Variants in GPC6 observed in about 807,000 individuals in gnomAD.
The protein encoded by GPC6 is glypican-6.
In GPC6, 14 loss-of-function variants were observed where a neutral mutation model predicts 55.2. That is an observed-to-expected ratio of 0.25 (90% CI 0.17 to 0.40). GPC6 has a LOEUF of 0.40. Among genes scored for constraint, GPC6 ranks in the 10% least tolerant of loss-of-function variants. The probability of loss-of-function intolerance (pLI) is 1.00; values close to 1 mark genes in which losing one functional copy is unlikely to be tolerated. For missense variants in GPC6, 641 were observed against 708.5 expected, an observed-to-expected ratio of 0.90 and a Z score of 1.08; for synonymous variants, 278 against 259.6, an observed-to-expected ratio of 1.07 and a Z score of -0.68.
At chr13:93,686,374 T>A (rs1882045612) in intron 2 of GPC6, among the ~76,000 whole-genome samples, 1 of 152,140 alleles carries the variant, frequency 6.6e-6, no homozygotes, top group South Asian at 2.1e-4. Context: ...AAGTTGTACA[T>A]CTCTCATCTT....
rs189194732 is a variant in GPC6, at chr13:93,251,415, T to C, written c.160+23799T>C. Among the ~76,000 whole-genome samples the C allele has an allele frequency of 3.5e-3, 528 of 152,334 alleles. 4 individuals carry two copies. The highest frequency in any genetic ancestry group is 0.012 in the African/African-American group (492 of 41,574). ...AAGGAGCAAACAGAATGGAATCTGT[T>C]TTTAAAGTATTTGTAAAACATTATA... On this transcript the variant is annotated intron_variant, in intron 1 of 8. Transcript: ENST00000377047.
chr13:94,217,153 A>C (rs1890250109), intron 4 of GPC6, among the ~76,000 whole-genome samples: 1 of 152,182 alleles, frequency 6.6e-6, no homozygotes, highest in Non-Finnish European at 1.5e-5. Context: ...AGTGATCCAC[A>C]CTTTGTAGAA....
chr13:93,489,863 T>C (rs976644137), intron 1 of GPC6, among the ~76,000 whole-genome samples: 1 of 151,590 alleles, frequency 6.6e-6, no homozygotes, highest in Non-Finnish European at 1.5e-5. Context: ...TAAGGAGATT[T>C]TGGGCTGAGA....
intron 3 of GPC6, among the ~76,000 whole-genome samples, chr13:93,935,881 C>T (rs1185650862): frequency 6.6e-6 from 1 of 152,206 alleles, no homozygotes; most frequent in Admixed American, 6.5e-5. Context: ...TTCCTGGGTT[C>T]CATTCCAGCT....
chr13:94,133,905 T>C (rs1008472292), intron 4 of GPC6, among the ~76,000 whole-genome samples: 2 of 152,130 alleles, frequency 1.3e-5, no homozygotes, highest in East Asian at 3.9e-4. Context: ...CAAAGACAGG[T>C]ACACACAATG....
At chr13:93,773,566 G>C (rs1399730311) in intron 2 of GPC6, among the ~76,000 whole-genome samples, 1 of 152,072 alleles carries the variant, frequency 6.6e-6, no homozygotes, top group Non-Finnish European at 1.5e-5. Context: ...GACTGTAGGG[G>C]TTCCTGTGTA....
chr13:93,412,398 G>A (rs1876537736), intron 1 of GPC6, among the ~76,000 whole-genome samples: 1 of 152,182 alleles, frequency 6.6e-6, no homozygotes, highest in Admixed American at 6.5e-5. Flanking sequence ...AATCATGCCT[G>A]TAATCCCAGC....
At chr13:93,288,564 T>G (rs1234220322) in intron 1 of GPC6, among the ~76,000 whole-genome samples, 1 of 152,166 alleles carries the variant, frequency 6.6e-6, no homozygotes, top group African/African-American at 2.4e-5. Context: ...GATATTTAGA[T>G]GTATGTAAGA....
chr13:93,598,813 A>C, intron 2 of GPC6, among the ~76,000 whole-genome samples: 1 of 152,342 alleles, frequency 6.6e-6, no homozygotes, highest in South Asian at 2.1e-4. Flanking sequence ...TAATTCAAAT[A>C]GGATGAAATT....
At chr13:93,612,091 G>T (rs1192982165) in intron 2 of GPC6, among the ~76,000 whole-genome samples, 1 of 152,086 alleles carries the variant, frequency 6.6e-6, no homozygotes, top group Non-Finnish European at 1.5e-5. Context: ...CACGTTTATT[G>T]TAATTACATG....
intron 3 of GPC6, among the ~76,000 whole-genome samples, chr13:94,017,820 G>C (rs1292115919): frequency 6.6e-6 from 1 of 151,970 alleles, no homozygotes; most frequent in African/African-American, 2.4e-5. Flanking sequence ...TGGGATTACA[G>C]GCACCCACCA....
chr13:94,017,923 G>A (rs541890276), intron 3 of GPC6, among the ~76,000 whole-genome samples: 11 of 151,992 alleles, frequency 7.2e-5, no homozygotes, highest in African/African-American at 9.6e-5. Flanking sequence ...TGATCCACCC[G>A]CCTCAGCCTC....
intron 2 of GPC6, among the ~76,000 whole-genome samples, chr13:93,757,948 C>T (rs1319539227): frequency 6.6e-6 from 1 of 152,144 alleles, no homozygotes; most frequent in Non-Finnish European, 1.5e-5. Flanking sequence ...ATCTCCAAGG[C>T]CCCCTCCAGG....
chr13:93,584,122 T>C (rs1482794568), intron 2 of GPC6, among the ~76,000 whole-genome samples: 1 of 152,160 alleles, frequency 6.6e-6, no homozygotes, highest in African/African-American at 2.4e-5. Flanking sequence ...GGACCAACAA[T>C]AGCCTCTCAT....
At chr13:93,836,073 G>A (rs1007525741) in intron 3 of GPC6, 11 of 152,162 alleles carry the variant, frequency 7.2e-5, no homozygotes, top group Non-Finnish European at 1.5e-4. Context: ...CTGCTACATA[G>A]ACTGATGTTT....
rs554094846 is a variant in GPC6, at chr13:94,392,301, AATAAT to A, written c.1290-6161_1290-6157del. 1.8e-3 allele frequency among the ~76,000 whole-genome samples: 276 copies of A among 152,036 alleles called. 1 individual carries two copies. Among genetic ancestry groups the A allele is most frequent in the African/African-American group, 6.4e-3 (264 of 41,518 alleles). ...CATGAATCCAAGTAGCAGCTGTAAT[AATAAT>A]ATATGTATTATTCATATATATAATA... On this transcript the variant is annotated intron_variant, in intron 7 of 8. Transcript: ENST00000377047.
intron 3 of GPC6, among the ~76,000 whole-genome samples, chr13:93,885,832 A>C (rs1875290578): frequency 6.6e-6 from 1 of 152,048 alleles, no homozygotes; most frequent in African/African-American, 2.4e-5. Flanking sequence ...TTTTAACAGT[A>C]AGTAAAATAG....
At chr13:94,033,880 A>C (rs1366146267) in intron 4 of GPC6, among the ~76,000 whole-genome samples, 1 of 152,208 alleles carries the variant, frequency 6.6e-6, no homozygotes, top group Non-Finnish European at 1.5e-5. Context: ...GAGCCTATTT[A>C]ATAATACAGT....
intron 2 of GPC6, among the ~76,000 whole-genome samples, chr13:93,680,766 C>T (rs1042926773): frequency 2.0e-5 from 3 of 152,124 alleles, no homozygotes; most frequent in Non-Finnish European, 4.4e-5. Context: ...GATCCTATGC[C>T]GTGGCAACAA....
Sources: allele counts gnomAD v4.1 joint callset (sites outside exome capture counted in the v4.1 genomes callset), GRCh38; gene constraint gnomAD v4.1.1; transcripts MANE v1.5; gene names NCBI Gene and HGNC (gene_info 2026-07-23, HGNC 2026-07-21).